The following SLC38A1 variants were observed in gnomAD, a reference collection of about 807,000 sequenced individuals.
SLC38A1 encodes solute carrier family 38 member 1, also known as sodium-coupled neutral amino acid symporter 1.
In SLC38A1, 18 loss-of-function variants were observed where a neutral mutation model predicts 60.3. The observed-to-expected ratio is 0.30, with a 90% CI of 0.21 to 0.44. The LOEUF (loss-of-function observed/expected upper bound fraction) is 0.44, where lower values mean the gene tolerates loss of function less well. Ranked by LOEUF, SLC38A1 falls within the 20% of genes least tolerant of loss-of-function variation. The probability of loss-of-function intolerance (pLI) is 1.00; values close to 1 mark genes in which losing one functional copy is unlikely to be tolerated. For synonymous variants in SLC38A1, 196 were observed against 212.1 expected (o/e 0.92, Z 0.66); for missense variants, 448 against 587.2 (o/e 0.76, Z 2.45).
intron 1 of SLC38A1, among the ~76,000 whole-genome samples, chr12:46,252,761 T>C (rs896031882): frequency 1.3e-5 from 2 of 152,018 alleles, no homozygotes. Context: ...TCTATGTTCG[T>C]TGCAGCATTA....
chr12:46,212,381 A>G (rs1180722901), intron 5 of SLC38A1, among the ~76,000 whole-genome samples: 1 of 152,260 alleles, frequency 6.6e-6, no homozygotes, highest in Non-Finnish European at 1.5e-5. Flanking sequence ...GACCACAAGT[A>G]TTAATATGGC....
At chr12:46,240,230 C>T (rs1941400515) in intron 2 of SLC38A1, among the ~76,000 whole-genome samples, 1 of 152,132 alleles carries the variant, frequency 6.6e-6, no homozygotes, top group African/African-American at 2.4e-5. Flanking sequence ...GAGTCTCGCT[C>T]TTGTTGCCCA....
chr12:46,217,362 A>G (rs1405875640), intron 5 of SLC38A1, among the ~76,000 whole-genome samples: 2 of 152,246 alleles, frequency 1.3e-5, no homozygotes, highest in South Asian at 2.1e-4. Context: ...CCAAACAAAA[A>G]TCTTAGAATG....
chr12:46,183,561 T>C lies in SLC38A1; in HGVS notation c.*5409A>G, dbSNP rs1218216747. On this transcript the variant is annotated 3_prime_UTR_variant, in exon 17 of 17. Coordinates refer to ENST00000398637, the MANE Select transcript of SLC38A1 (RefSeq NM_030674.4). The stretch of plus-strand genomic sequence containing the variant: ...AAGTTTGAGAAATGCAGCAATTCAA[T>C]TGTGAAAAAAACATTCTTCTCCCCA... 2 of 152,186 alleles carry C rather than the reference T, an allele frequency of 1.3e-5. No individual in the cohort carries two copies. Among genetic ancestry groups the C allele is most frequent in the African/African-American group, 4.8e-5 (2 of 41,458 alleles). 9.4% of individuals were successfully genotyped at this position (152,186 alleles called of 1,614,324 possible).
intron 8 of SLC38A1, among the ~76,000 whole-genome samples, chr12:46,206,373 A>T (rs953686877): frequency 2.8e-5 from 4 of 143,406 alleles, no homozygotes; most frequent in Non-Finnish European, 6.0e-5. Context: ...TGGAAGAGGG[A>T]ATATTGGTTT....
chr12:46,211,172 C>A (rs1438808616), intron 5 of SLC38A1, among the ~76,000 whole-genome samples: 1 of 152,168 alleles, frequency 6.6e-6, no homozygotes, highest in South Asian at 2.1e-4. Flanking sequence ...GCCACTTCTA[C>A]ACGAACATGT....
chr12:46,239,594 C>T (rs370197941), intron 3 of SLC38A1, 85 bp downstream of exon 3: 22 of 1,471,330 alleles, frequency 1.5e-5, no homozygotes, highest in East Asian at 4.6e-5. Flanking sequence ...CCACCCACCT[C>T]GGCCTCCCAA....
chr12:46,215,833 T>G (rs1016112928), intron 5 of SLC38A1, among the ~76,000 whole-genome samples: 2 of 152,184 alleles, frequency 1.3e-5, no homozygotes, highest in African/African-American at 4.8e-5. Context: ...ACAAGCAGGC[T>G]AGTACATATA....
intron 11 of SLC38A1, among the ~76,000 whole-genome samples, 169 bp from the exon 12 acceptor site, chr12:46,203,258 A>G (rs1247008799): frequency 6.6e-6 from 1 of 152,198 alleles, no homozygotes; most frequent in East Asian, 1.9e-4. Context: ...TTTCTAAGAC[A>G]GCTTGTCTAG....
At chr12:46,203,371 G>A (rs937890405) in intron 11 of SLC38A1, among the ~76,000 whole-genome samples, 5 of 152,034 alleles carry the variant, frequency 3.3e-5, no homozygotes, top group African/African-American at 1.2e-4. Context: ...TATACAGCAT[G>A]AGCCAGTTAC....
chr12:46,196,311 T>G, intron 16 of SLC38A1: 2 of 1,533,838 alleles, frequency 1.3e-6, no homozygotes, highest in Non-Finnish European at 1.7e-6. Flanking sequence ...GGGGTTGACA[T>G]GGCTGCACAT....
At chr12:46,267,217 A>G (rs887219343) in intron 1 of SLC38A1, 3 of 152,234 alleles carry the variant, frequency 2.0e-5, no homozygotes, top group African/African-American at 7.2e-5. Flanking sequence ...CCAAACGCAA[A>G]TAAATACCGT....
intron 16 of SLC38A1, among the ~76,000 whole-genome samples, chr12:46,194,071 C>G (rs566947188): frequency 6.6e-6 from 1 of 152,142 alleles, no homozygotes; most frequent in Non-Finnish European, 1.5e-5. Flanking sequence ...GTGGCTGGTA[C>G]TGGTTGGTCC....
At position 46,188,163 on chromosome 12, in the gene SLC38A1, G is replaced by A. The variant is rs530079021; in HGVS notation, c.*807C>T. The A allele has an allele frequency of 3.9e-5, 6 of 152,286 alleles. No individual in the cohort carries two copies. Among genetic ancestry groups the A allele is most frequent in the South Asian group, 4.1e-4 (2 of 4,824 alleles). 9.4% of individuals were successfully genotyped at this position (152,286 alleles called of 1,614,324 possible). A position where few individuals can be genotyped will look rare whatever the true frequency, so the allele number is the denominator to read the frequency against. ...GTAGGTTCCATAGGTTTTCCCCAGCGAAAGTTGACTCAGACCAGAGTAACT... is the reference window on the plus strand; with the variant it reads ...GTAGGTTCCATAGGTTTTCCCCAGCAAAAGTTGACTCAGACCAGAGTAACT... On this transcript the variant is annotated 3_prime_UTR_variant, in exon 17 of 17. Coordinates refer to ENST00000398637, the MANE Select transcript of SLC38A1 (RefSeq NM_030674.4).
At position 46,268,219 on chromosome 12, in the gene SLC38A1, A is replaced by G. The variant is rs1942425795; in HGVS notation, c.-209+307T>C. Among the ~76,000 whole-genome samples the G allele has an allele frequency of 6.6e-6, 1 of 152,194 alleles. No homozygotes were observed. Among genetic ancestry groups the G allele is most frequent in the Non-Finnish European group, 1.5e-5 (1 of 68,036 alleles). On this transcript the variant is annotated intron_variant, in intron 1 of 16. Transcript: ENST00000398637. The surrounding 1 kb of genome is among the most constrained non-coding windows in gnomAD (Gnocchi z 4.4). ...TAAAAATGGAACCAGATCTGGTACCACACTCTGCCACAGCCACAGGAAAAC... is the reference window on the plus strand; with the variant it reads ...TAAAAATGGAACCAGATCTGGTACCGCACTCTGCCACAGCCACAGGAAAAC...
rs1938845175 is a variant in SLC38A1 at position 46,183,731 on chromosome 12, C to T, written c.*5239G>A. The T allele has an allele frequency of 6.6e-6, 1 of 152,146 alleles. No individual in the cohort carries two copies. The highest frequency in any genetic ancestry group is 1.5e-5 in the Non-Finnish European group (1 of 68,012). The allele number at this position is 152,146 out of a possible 1,614,324, so 9.4% of individuals were successfully genotyped here. ...TATTCCTTACTTGTATCTCAGAGGA[C>T]TATCTGTTAAATAATTGATCTTAAT... On this transcript the variant is annotated 3_prime_UTR_variant, in exon 17 of 17. Coordinates refer to ENST00000398637, the MANE Select transcript of SLC38A1 (RefSeq NM_030674.4).
At chr12:46,249,098 G>GTGA (rs1009955400) in intron 1 of SLC38A1, among the ~76,000 whole-genome samples, 109 of 147,306 alleles carry the variant, frequency 7.4e-4, no homozygotes, top group African/African-American at 2.7e-3. Flanking sequence ...AGAGTTTGCA[G>GTGA]TGAGCCAAGA....
At position 46,268,028 on chromosome 12, in the gene SLC38A1, C is replaced by A. The variant is rs1296144489; in HGVS notation, c.-209+498G>T. Among the ~76,000 whole-genome samples the A allele has an allele frequency of 3.3e-5, 5 of 152,212 alleles. No homozygotes were observed. Among genetic ancestry groups the A allele is most frequent in the African/African-American group, 1.2e-4 (5 of 41,458 alleles). The stretch of plus-strand genomic sequence containing the variant: ...TTAGTGGTGGTCCGCGGCCGCTACC[C>A]AGCCGGCCGCACGCAGCACCCCCCG... On this transcript the variant is annotated intron_variant, in intron 1 of 16. Transcript: ENST00000398637. The surrounding 1 kb of genome is among the most constrained non-coding windows in gnomAD (Gnocchi z 4.4).
At chr12:46,217,684 G>A (rs1940475984) in intron 5 of SLC38A1, among the ~76,000 whole-genome samples, 1 of 152,172 alleles carries the variant, frequency 6.6e-6, no homozygotes, top group South Asian at 2.1e-4. Context: ...GTCCTAAAGT[G>A]GACTTCTTAG....
Sources: gnomAD v4.1 joint callset for allele counts (sites outside exome capture counted in the v4.1 genomes callset) on GRCh38, gnomAD v4.1.1 for gene constraint, Gnocchi (gnomAD v3.1) non-coding constraint, MANE v1.5 for transcripts, NCBI Gene and HGNC (gene_info 2026-07-23, HGNC 2026-07-21) for gene names.